Variants in ANK3 observed in about 807,000 individuals in gnomAD.
ANK3 encodes ankyrin-3.
ANK3 carries 57 observed loss-of-function variants against 370.9 expected under a neutral mutation model. That is an observed-to-expected ratio of 0.15 (90% CI 0.12 to 0.19). The LOEUF (loss-of-function observed/expected upper bound fraction) is 0.19. ANK3 is among the 10% of genes least tolerant of loss of function. The probability of loss-of-function intolerance (pLI) is 1.00; values close to 1 mark genes in which losing one functional copy is unlikely to be tolerated. For missense variants in ANK3, 4,439 were observed against 5,302.1 expected, an observed-to-expected ratio of 0.84 and a Z score of 5.06; for synonymous variants, 1,929 against 1,946.3, an observed-to-expected ratio of 0.99 and a Z score of 0.23.
chr10:60,117,967 A>G (rs2093217233), intron 25 of ANK3, among the ~76,000 whole-genome samples: 1 of 152,214 alleles, frequency 6.6e-6, no homozygotes, highest in Non-Finnish European at 1.5e-5. Context: ...ATAGGGAGGA[A>G]AAGTGTGGAA....
At chr10:60,239,139 T>A (rs1410631733) in intron 7 of ANK3, among the ~76,000 whole-genome samples, 1 of 151,980 alleles carries the variant, frequency 6.6e-6, no homozygotes, top group Non-Finnish European at 1.5e-5. Flanking sequence ...GAACAGAGCC[T>A]CCAAGAGCTG....
At chr10:60,250,521 C>T (rs570660149) in intron 7 of ANK3, among the ~76,000 whole-genome samples, 65 of 152,230 alleles carry the variant, frequency 4.3e-4, no homozygotes, top group Middle Eastern at 3.4e-3. Context: ...CCTGCCACCA[C>T]GCCCAGCTAA....
intron 43 of ANK3, among the ~76,000 whole-genome samples, chr10:60,033,372 G>A (rs193183459): frequency 4.0e-5 from 6 of 151,742 alleles, no homozygotes; most frequent in East Asian, 1.9e-4. Flanking sequence ...AAAATTGGCC[G>A]GGTGAGGTGG....
chr10:60,682,303 C>T (rs771533508), intron 1 of ANK3, among the ~76,000 whole-genome samples: 3 of 152,140 alleles, frequency 2.0e-5, no homozygotes, highest in South Asian at 2.1e-4. Context: ...GTGGAAGGCA[C>T]GTGCAACACC....
At chr10:60,714,075 T>G (rs945495020) in intron 1 of ANK3, among the ~76,000 whole-genome samples, 1 of 152,082 alleles carries the variant, frequency 6.6e-6, no homozygotes, top group Non-Finnish European at 1.5e-5. Context: ...ATTGATCTCA[T>G]AAACATCAAA....
chr10:60,680,242 T>C (rs56014874), intron 1 of ANK3, among the ~76,000 whole-genome samples: 1,790 of 152,228 alleles, frequency 0.012, 36 homozygotes, highest in African/African-American at 0.04. Flanking sequence ...CTCAGTTGAA[T>C]TACTTCCTCT....
At chr10:60,289,098 C>T (rs1363171017) in intron 1 of ANK3, among the ~76,000 whole-genome samples, 1 of 151,998 alleles carries the variant, frequency 6.6e-6, no homozygotes, top group Non-Finnish European at 1.5e-5. Context: ...GATAAGAAGA[C>T]CTAGGGGGGC....
At chr10:60,539,159 C>A (rs2076790149) in intron 2 of ANK3, among the ~76,000 whole-genome samples, 1 of 151,806 alleles carries the variant, frequency 6.6e-6, no homozygotes, top group Non-Finnish European at 1.5e-5. Flanking sequence ...ACCATTAATA[C>A]TTGAAATGTC....
chr10:60,367,659 G>A (rs982098907), intron 1 of ANK3, among the ~76,000 whole-genome samples: 1 of 152,182 alleles, frequency 6.6e-6, no homozygotes, highest in Non-Finnish European at 1.5e-5. Flanking sequence ...TGATTAGGCT[G>A]GTAGGGTGAT....
At chr10:60,418,079 T>TTC (rs1395586138) in intron 2 of ANK3, among the ~76,000 whole-genome samples, 7 of 152,198 alleles carry the variant, frequency 4.6e-5, no homozygotes, top group Non-Finnish European at 1.0e-4. Context: ...TCTCCTTCAG[T>TTC]TGTCAGAGCC....
chr10:60,434,388 C>T (rs999254539), intron 2 of ANK3, among the ~76,000 whole-genome samples: 4 of 152,140 alleles, frequency 2.6e-5, no homozygotes, highest in Admixed American at 2.0e-4. Flanking sequence ...AATCAAATCA[C>T]ACATTGAATA....
chr10:60,340,461 A>C (rs1297724320), intron 1 of ANK3, among the ~76,000 whole-genome samples: 1 of 152,010 alleles, frequency 6.6e-6, no homozygotes, highest in South Asian at 2.1e-4. Context: ...CCCAGGCTGG[A>C]GTGCAAGTGG....
chr10:60,346,638 T>A (rs1245147775), intron 1 of ANK3, among the ~76,000 whole-genome samples: 2 of 151,984 alleles, frequency 1.3e-5, no homozygotes, highest in African/African-American at 4.8e-5. Flanking sequence ...TGGGGGCAAT[T>A]CAGCAATTAC....
chr10:60,246,302 T>C (rs372838664), intron 7 of ANK3, among the ~76,000 whole-genome samples: 97 of 145,900 alleles, frequency 6.6e-4, no homozygotes, highest in African/African-American at 2.4e-3. Context: ...AAAAAGATGA[T>C]CACCATTGTA....
chr10:60,477,384 A>C (rs1210296368), intron 2 of ANK3, among the ~76,000 whole-genome samples: 1 of 152,098 alleles, frequency 6.6e-6, no homozygotes, highest in Non-Finnish European at 1.5e-5. Flanking sequence ...ACTGAAAGTC[A>C]AGGAGAGAAT....
rs372765298 is a variant in ANK3 at position 60,032,743 on chromosome 10, A to AT, written c.*20-2918dup. ...TATTCCAGTGAGGATGTTTTGGGTG[A>AT]TTTTTTTTAAGTGGGAGTTAGTTCC... On this transcript the variant is annotated intron_variant, in intron 43 of 43. Transcript: ENST00000280772. Among the ~76,000 whole-genome samples the AT allele has an allele frequency of 3.0e-3, 462 of 152,090 alleles. 1 individual carries two copies. The highest frequency in any genetic ancestry group is 9.9e-3 in the African/African-American group (412 of 41,500).
At chr10:60,231,999 C>G (rs983794430) in intron 8 of ANK3, among the ~76,000 whole-genome samples, 3 of 152,170 alleles carry the variant, frequency 2.0e-5, no homozygotes, top group African/African-American at 7.2e-5. Flanking sequence ...GCACACCAAA[C>G]TTTGCCTATG....
At chr10:60,129,921 A>G (rs2093975726) in intron 25 of ANK3, among the ~76,000 whole-genome samples, 1 of 152,230 alleles carries the variant, frequency 6.6e-6, no homozygotes, top group South Asian at 2.1e-4. Context: ...TTTGGCTAAC[A>G]GAATTCTTTC....
At chr10:60,430,359 C>T (rs2063988913) in intron 2 of ANK3, among the ~76,000 whole-genome samples, 1 of 151,790 alleles carries the variant, frequency 6.6e-6, no homozygotes, top group Admixed American at 6.6e-5. Flanking sequence ...TTGTCATTCC[C>T]CTAAAGATGC....
Sources: gnomAD v4.1 joint callset for allele counts (sites outside exome capture counted in the v4.1 genomes callset) on GRCh38, gnomAD v4.1.1 for gene constraint, MANE v1.5 for transcripts, NCBI Gene and HGNC (gene_info 2026-07-23, HGNC 2026-07-21) for gene names.